The following REL variants were observed in gnomAD, a reference collection of about 807,000 sequenced individuals.
The protein encoded by REL is REL proto-oncogene, NF-kB subunit.
A neutral mutation model predicts 45.9 loss-of-function variants in REL; 15 were observed. The ratio of observed to expected loss-of-function variants is 0.33; its 90% CI spans 0.22 to 0.50. The LOEUF (loss-of-function observed/expected upper bound fraction) is 0.50, where lower values mean the gene tolerates loss of function less well. REL is among the 20% of genes least tolerant of loss of function. REL has a pLI of 0.98. For synonymous variants in REL, 239 were observed against 242.1 expected (o/e 0.99, Z 0.12); for missense variants, 601 against 715.2 (o/e 0.84, Z 1.82).
intron 1 of REL, among the ~76,000 whole-genome samples, chr2:60,887,796 T>C (rs1673106132): frequency 6.6e-6 from 1 of 151,752 alleles, no homozygotes; most frequent in South Asian, 2.1e-4. Context: ...ATAACTGATA[T>C]TTATGTAATT....
intron 1 of REL, among the ~76,000 whole-genome samples, chr2:60,888,466 C>T (rs1315278951): frequency 6.6e-6 from 1 of 152,078 alleles, no homozygotes; most frequent in Non-Finnish European, 1.5e-5. Flanking sequence ...AATATACTTT[C>T]TTAAATACTC....
At chr2:60,891,589 T>C (rs1471303484) in intron 1 of REL, 94 bp from the exon 2 acceptor site, 2 of 1,114,348 alleles carry the variant, frequency 1.8e-6, no homozygotes, top group East Asian at 2.8e-5. Flanking sequence ...AATCTTTGTT[T>C]TAGTCTGCTG....
intron 9 of REL, among the ~76,000 whole-genome samples, chr2:60,921,167 C>G (rs1014042160): frequency 6.6e-6 from 1 of 151,832 alleles, no homozygotes; most frequent in African/African-American, 2.4e-5. Context: ...TCTTTTTTCC[C>G]CCACGTACAT....
intron 1 of REL, among the ~76,000 whole-genome samples, chr2:60,890,841 T>G (rs1466109349): frequency 6.6e-6 from 1 of 152,212 alleles, no homozygotes; most frequent in African/African-American, 2.4e-5. Flanking sequence ...TCTGCTATCG[T>G]TCATTGTATA....
In REL at chr2:60,918,605, A is replaced by C. The variant is rs1196186247; in HGVS notation, c.852A>C (p.Lys284Asn). The C allele has an allele frequency of 3.7e-6, 6 of 1,602,576 alleles. No homozygotes were observed. Among genetic ancestry groups the C allele is most frequent in the Non-Finnish European group, 5.1e-6 (6 of 1,169,540 alleles). Residue 284 changes from lysine to asparagine, a missense_variant and splice_region_variant, in exon 7 of 10, where the codon AAA (lysine) becomes AAC (asparagine). Coordinates refer to ENST00000394479, the MANE Select transcript of REL (RefSeq NM_001291746.2). ...ATTTTAGATATCTGCCAGATGAAAA[A>C]GGTATGACATTTTGCTGGTAATAAT... ...SMDFRYLPDE[K>N]DTYGNKAKKQ...
At position 60,929,007 on chromosome 2, in the gene REL, G is replaced by T. The variant is rs12998036; in HGVS notation, c.*6472G>T. 1 of 146,616 alleles carries T rather than the reference G, an allele frequency of 6.8e-6. No individual in the cohort carries two copies. The highest frequency in any genetic ancestry group is 1.9e-4 in the East Asian group (1 of 5,140). 9.1% of individuals were successfully genotyped at this position (146,616 alleles called of 1,614,324 possible). On this transcript the variant is annotated 3_prime_UTR_variant, in exon 10 of 10. Coordinates refer to ENST00000394479, the MANE Select transcript of REL (RefSeq NM_001291746.2). Reference sequence around the variant, plus strand: ...AAAACAACCCCATCAAAAAGTGGGCGAAGGACATGAACAGACACTTCTCAA... The same window carrying T: ...AAAACAACCCCATCAAAAAGTGGGCTAAGGACATGAACAGACACTTCTCAA...
intron 4 of REL, among the ~76,000 whole-genome samples, chr2:60,912,395 C>T (rs566571068): frequency 4.6e-5 from 7 of 152,078 alleles, no homozygotes; most frequent in South Asian, 4.2e-4. Flanking sequence ...CATAGTCTGC[C>T]GTAGAAACTT....
chr2:60,917,008 T>C lies in REL; in HGVS notation c.526T>C (p.Tyr176His). The change falls in exon 5 of 10, where the codon TAT (tyrosine) becomes CAT (histidine). Residue 176 changes from tyrosine to histidine, a missense_variant. Around this residue, in one of 4 missense-constraint regions of REL, gnomAD observed 241 missense variants for 347.0 expected, o/e 0.69. Transcript: ENST00000394479. ...TCCTCCTGTTGTCTCGAACCCAATTTATGACAACCGTAAGTACTTCATTTT... is the reference window on the plus strand; with the variant it reads ...TCCTCCTGTTGTCTCGAACCCAATTCATGACAACCGTAAGTACTTCATTTT... ...ALPPVVSNPI[Y>H]DNRAPNTAEL... The C allele has an allele frequency of 6.2e-7, 1 of 1,612,760 alleles. No individual in the cohort carries two copies. The highest frequency in any genetic ancestry group is 8.5e-7 in the Non-Finnish European group (1 of 1,179,324).
intron 3 of REL, among the ~76,000 whole-genome samples, chr2:60,896,042 G>A (rs929883634): frequency 1.4e-5 from 2 of 146,686 alleles, no homozygotes; most frequent in Non-Finnish European, 3.0e-5. Flanking sequence ...TTGCTTTGTT[G>A]CCCAGGCTGC....
At position 60,930,707 on chromosome 2, in the gene REL, CTATT is replaced by C. The variant is rs1205163010; in HGVS notation, c.*8177_*8180del. 7 of 152,292 alleles carry C rather than the reference CTATT, an allele frequency of 4.6e-5. No homozygotes were observed. The highest frequency in any genetic ancestry group is 1.7e-4 in the African/African-American group (7 of 41,448). 9.4% of individuals were successfully genotyped at this position (152,292 alleles called of 1,614,324 possible). A position where few individuals can be genotyped will look rare whatever the true frequency, so the allele number is the denominator to read the frequency against. On this transcript the variant is annotated 3_prime_UTR_variant, in exon 10 of 10. Transcript: ENST00000394479. ...ATCAAAGTTTTCAAAAGTAATCACT[CTATT>C]TATTCTAAATGTCTGTGGCTTTAGG... is the stretch of plus-strand genomic sequence containing the variant.
At chr2:60,913,895 T>G (rs1376959073) in intron 4 of REL, among the ~76,000 whole-genome samples, 1 of 152,232 alleles carries the variant, frequency 6.6e-6, no homozygotes, top group East Asian at 1.9e-4. Context: ...GTTTACTTTA[T>G]GCTTTCTTCA....
At chr2:60,898,123 G>A (rs777842662) in intron 3 of REL, among the ~76,000 whole-genome samples, 2 of 152,152 alleles carry the variant, frequency 1.3e-5, no homozygotes, top group African/African-American at 4.8e-5. Flanking sequence ...TACCACTATA[G>A]CCTAAACTGG....
Position 60,924,588 on chromosome 2 carries a change from T to G in REL, c.*2053T>G, listed in dbSNP as rs898823313. On this transcript the variant is annotated 3_prime_UTR_variant, in exon 10 of 10. Coordinates refer to ENST00000394479, the MANE Select transcript of REL (RefSeq NM_001291746.2). ...CCAGTGGCAAAATGATGGTAGAATT[T>G]GGGTAATCTTTTTTTTCCTTTTATG... is the stretch of plus-strand genomic sequence containing the variant. 3.7e-5 allele frequency: 8 copies of G among 216,000 alleles called. No individual in the cohort carries two copies. The South Asian group carries it at 1.5e-3, about 40-fold the overall frequency. 13.4% of individuals were successfully genotyped at this position (216,000 alleles called of 1,614,324 possible).
At chr2:60,891,284 G>T (rs1673203675) in intron 1 of REL, among the ~76,000 whole-genome samples, 1 of 152,214 alleles carries the variant, frequency 6.6e-6, no homozygotes, top group Admixed American at 6.5e-5. Flanking sequence ...CACTTTAGGA[G>T]TGTGATATTT....
intron 2 of REL, 50 bp from the exon 3 acceptor site, chr2:60,894,347 T>A: frequency 1.7e-6 from 2 of 1,145,232 alleles, no homozygotes; most frequent in Non-Finnish European, 2.4e-6. Context: ...GTAGATCAGT[T>A]TATAATGCAG....
chr2:60,920,526 G>T (rs773637504), intron 8 of REL, 48 bp from the exon 9 acceptor site: 1 of 1,399,702 alleles, frequency 7.1e-7, no homozygotes, highest in South Asian at 1.2e-5. Flanking sequence ...AACTGATAAT[G>T]TTATTTTTCA....
intron 3 of REL, among the ~76,000 whole-genome samples, chr2:60,894,782 G>T (rs530653481): frequency 6.6e-6 from 1 of 150,550 alleles, no homozygotes; most frequent in Non-Finnish European, 1.5e-5. Context: ...AAAAGTAAAC[G>T]TAAACTTCTT....
At chr2:60,915,006 T>C (rs1673925944) in intron 4 of REL, among the ~76,000 whole-genome samples, 1 of 152,044 alleles carries the variant, frequency 6.6e-6, no homozygotes, top group South Asian at 2.1e-4. Context: ...TAATTTTTTG[T>C]ATTTTTAGTA....
intron 9 of REL, among the ~76,000 whole-genome samples, chr2:60,921,289 C>T (rs1467702391): frequency 6.6e-6 from 1 of 151,926 alleles, no homozygotes; most frequent in Non-Finnish European, 1.5e-5. Context: ...ATTTTATAGT[C>T]TCTTAGGGTT....
Sources: gnomAD v4.1 joint callset for allele counts (sites outside exome capture counted in the v4.1 genomes callset) on GRCh38, gnomAD v4.1.1 for gene constraint, gnomAD v4.1.1 regional missense constraint, MANE v1.5 for transcripts, NCBI Gene and HGNC (gene_info 2026-07-23, HGNC 2026-07-21) for gene names.